SHANK2: variants seen among roughly 807,000 people sequenced by gnomAD.
The protein encoded by SHANK2 is SH3 and multiple ankyrin repeat domains 2, also known as SH3 and multiple ankyrin repeat domains protein 2.
In SHANK2, 43 loss-of-function variants were observed where a neutral mutation model predicts 133.7. The ratio of observed to expected loss-of-function variants is 0.32; its 90% CI spans 0.25 to 0.41. The LOEUF is 0.41. Ranked by LOEUF, SHANK2 falls within the 10% of genes least tolerant of loss-of-function variation. The pLI is 1.00. For missense variants in SHANK2, 1,994 were observed against 2,235.8 expected (o/e 0.89, Z 2.18); for synonymous variants, 1,017 against 952.8 (o/e 1.07, Z -1.24).
rs1555153767 is a variant in SHANK2, at chr11:70,486,675, T to C, written c.3618A>G (p.Thr1206=). 1 of 1,611,536 alleles carries C rather than the reference T, an allele frequency of 6.2e-7. No individual in the cohort carries two copies. The highest frequency in any genetic ancestry group is 2.2e-5 in the East Asian group (1 of 44,856). The change falls in exon 25 of 26, where the codon ACA becomes ACG. Residue 1206 remains threonine (T), a synonymous_variant. Coordinates refer to ENST00000601538, the MANE Select transcript of SHANK2 (RefSeq NM_012309.5). The surrounding 1 kb of genome is among the most constrained non-coding windows in gnomAD (Gnocchi z 8.0). The part of the protein sequence containing the change: ...AGPGNYVHPL[T]GRLLDPSSPL... ...GGGAGCTGGGATCAAGCAGCCGCCCTGTGAGTGGGTGGACATAATTCCCGG... is the reference window on the plus strand; with the variant it reads ...GGGAGCTGGGATCAAGCAGCCGCCCCGTGAGTGGGTGGACATAATTCCCGG...
intron 21 of SHANK2, among the ~76,000 whole-genome samples, chr11:70,494,541 G>A (rs781989862): frequency 9.9e-5 from 15 of 152,232 alleles, no homozygotes; most frequent in Non-Finnish European, 1.8e-4. Flanking sequence ...TGATGTGCCC[G>A]CCTTGGCCTC....
intron 11 of SHANK2, among the ~76,000 whole-genome samples, chr11:70,837,431 G>T (rs1466385446): frequency 6.6e-6 from 1 of 152,198 alleles, no homozygotes; most frequent in East Asian, 1.9e-4. Flanking sequence ...CAGGCCTTGT[G>T]CATTCACGCT....
At chr11:70,654,688 C>T (rs2061382362) in intron 17 of SHANK2, among the ~76,000 whole-genome samples, 3 of 152,068 alleles carry the variant, frequency 2.0e-5, no homozygotes, top group African/African-American at 7.2e-5. Context: ...GAACCATTCT[C>T]CTATTAGCCC....
At chr11:70,843,411 G>A (rs565090675) in intron 11 of SHANK2, among the ~76,000 whole-genome samples, 1 of 152,004 alleles carries the variant, frequency 6.6e-6, no homozygotes, top group East Asian at 1.9e-4. Context: ...ATGGATGGCT[G>A]GCGCTGTAGA....
chr11:70,638,734 C>T (rs897144470), intron 17 of SHANK2, among the ~76,000 whole-genome samples: 14 of 152,124 alleles, frequency 9.2e-5, no homozygotes, highest in African/African-American at 2.2e-4. Context: ...CAGCCGGGCA[C>T]GGTGGCTCAC....
At chr11:70,545,881 C>A (rs1267412967) in intron 17 of SHANK2, among the ~76,000 whole-genome samples, 1 of 152,168 alleles carries the variant, frequency 6.6e-6, no homozygotes, top group Non-Finnish European at 1.5e-5. Context: ...CTCCCATAAC[C>A]CTTGCTCAGG....
chr11:70,754,104 G>A (rs781828805), intron 14 of SHANK2, among the ~76,000 whole-genome samples: 18 of 152,140 alleles, frequency 1.2e-4, no homozygotes, highest in Non-Finnish European at 2.4e-4. Flanking sequence ...GAGCCACTAC[G>A]CCTGACAATT....
intron 17 of SHANK2, among the ~76,000 whole-genome samples, chr11:70,639,792 G>T (rs1489480453): frequency 1.3e-5 from 2 of 152,096 alleles, no homozygotes; most frequent in African/African-American, 4.8e-5. Flanking sequence ...GGCCTCCAGG[G>T]CCTGAGCGGA....
Position 70,662,135 on chromosome 11 carries a change from A to G in SHANK2, c.1854-457T>C, listed in dbSNP as rs1591720833. The G allele has an allele frequency of 8.3e-6, 3 of 362,104 alleles. No individual in the cohort carries two copies. In the South Asian group the frequency reaches 8.6e-5, roughly 10 times the overall value. The allele number at this position is 362,104 out of a possible 1,614,324, so 22.4% of individuals were successfully genotyped here. ...CACGCATCTTCCAGGGAAGCCCGGG[A>G]AAATCAGCCAGAGGAGAAATGAGGC... On this transcript the variant is annotated intron_variant, in intron 15 of 25. Coordinates refer to ENST00000601538, the MANE Select transcript of SHANK2 (RefSeq NM_012309.5).
chr11:70,645,749 G>A (rs1482690935), intron 17 of SHANK2, among the ~76,000 whole-genome samples: 1 of 152,086 alleles, frequency 6.6e-6, no homozygotes, highest in African/African-American at 2.4e-5. Flanking sequence ...TGGGGAGCTG[G>A]GGCAAGGCAG....
intron 11 of SHANK2, among the ~76,000 whole-genome samples, chr11:70,847,371 G>A (rs1038917168): frequency 1.3e-5 from 2 of 152,162 alleles, no homozygotes; most frequent in African/African-American, 2.4e-5. Context: ...GGTGGTGACG[G>A]GGTTGGCAGC....
intron 17 of SHANK2, among the ~76,000 whole-genome samples, chr11:70,525,216 G>A (rs1383897164): frequency 2.6e-5 from 4 of 152,210 alleles, no homozygotes; most frequent in Admixed American, 6.5e-5. Context: ...GCCCTTCTCC[G>A]CAGGTAACTC....
chr11:70,693,104 C>T (rs1332192061), intron 15 of SHANK2, among the ~76,000 whole-genome samples: 1 of 152,184 alleles, frequency 6.6e-6, no homozygotes, highest in East Asian at 1.9e-4. Context: ...CCCCTCAGTT[C>T]CATCCACCTC....
chr11:71,085,611 ATATTATATT>A (rs1951374433), intron 8 of SHANK2, among the ~76,000 whole-genome samples: 25 of 80,792 alleles, frequency 3.1e-4, no homozygotes, highest in African/African-American at 1.2e-3. Flanking sequence ...TATTAAATAT[ATATTATATT>A]ATATATTATA....
chr11:71,118,868 C>T lies in SHANK2; in HGVS notation c.372G>A (p.Glu124=), dbSNP rs782729039. 6 of 1,551,632 alleles carry T rather than the reference C, an allele frequency of 3.9e-6. No individual in the cohort carries two copies. The South Asian group carries it at 7.1e-5, about 18-fold the overall frequency. Residue 124 remains glutamate (E), a synonymous_variant, in exon 4 of 26, where the codon GAG becomes GAA. Coordinates refer to ENST00000601538, the MANE Select transcript of SHANK2 (RefSeq NM_012309.5). Reference sequence around the variant, plus strand: ...CGCCCTCACCCACGGGCTGTGGGTACTCGCGCAGGAGCCGCTCCTCATCCA... The same window carrying T: ...CGCCCTCACCCACGGGCTGTGGGTATTCGCGCAGGAGCCGCTCCTCATCCA... ...KFLDEERLLR[E]YPQPVGEGVP... is the part of the protein sequence containing the mutation.
Position 70,773,494 on chromosome 11 carries a change from T to G in SHANK2, c.1777+24949A>C, listed in dbSNP as rs187060107. On this transcript the variant is annotated intron_variant, in intron 14 of 25. Coordinates refer to ENST00000601538, the MANE Select transcript of SHANK2 (RefSeq NM_012309.5). ...AATGCAGATTCATAATCATAGAGAA[T>G]GAGCTTAATGTTGCTGAATATACAT... Among the ~76,000 whole-genome samples, 524 of 152,360 alleles carry G rather than the reference T, an allele frequency of 3.4e-3. 5 individuals are homozygous for G. Among genetic ancestry groups the G allele is most frequent in the African/African-American group, 0.012 (510 of 41,588 alleles).
At chr11:70,799,515 A>T (rs956462537) in intron 13 of SHANK2, among the ~76,000 whole-genome samples, 2 of 152,244 alleles carry the variant, frequency 1.3e-5, no homozygotes, top group Non-Finnish European at 2.9e-5. Context: ...AAGAAACTGC[A>T]CTAAAAACCT....
intron 2 of SHANK2, among the ~76,000 whole-genome samples, chr11:71,218,702 C>A (rs1412851792): frequency 6.6e-6 from 1 of 152,166 alleles, no homozygotes; most frequent in South Asian, 2.1e-4. Flanking sequence ...TCCATCAACT[C>A]CAAGGTCTCT....
intron 17 of SHANK2, among the ~76,000 whole-genome samples, chr11:70,523,995 C>T (rs953204505): frequency 6.6e-6 from 1 of 152,146 alleles, no homozygotes. Flanking sequence ...GGGGGCCTGG[C>T]CATATTTGCA....
Sources: allele counts gnomAD v4.1 joint callset (sites outside exome capture counted in the v4.1 genomes callset), GRCh38; gene constraint gnomAD v4.1.1; non-coding constraint Gnocchi (gnomAD v3.1); transcripts MANE v1.5; gene names NCBI Gene and HGNC (gene_info 2026-07-23, HGNC 2026-07-21).